Variants in KDM4C observed in about 807,000 individuals in gnomAD.
KDM4C encodes the protein lysine demethylase 4C, also known as lysine-specific demethylase 4C.
Under a neutral mutation model 129.3 loss-of-function variants are expected in KDM4C, and 81 were observed. That is an observed-to-expected ratio of 0.63 (90% CI 0.52 to 0.75). The LOEUF (loss-of-function observed/expected upper bound fraction) is 0.75, where lower values mean the gene tolerates loss of function less well. KDM4C is among the 30% of genes least tolerant of loss of function. KDM4C has a pLI of 0.00. For synonymous variants in KDM4C, 573 were observed against 456.1 expected, an observed-to-expected ratio of 1.26 and a Z score of -3.26; for missense variants, 1,457 against 1,304.0, an observed-to-expected ratio of 1.12 and a Z score of -1.81.
intron 5 of KDM4C, among the ~76,000 whole-genome samples, chr9:6,875,522 A>G (rs1000935814): frequency 2.6e-5 from 4 of 152,182 alleles, no homozygotes; most frequent in Non-Finnish European, 5.9e-5. Flanking sequence ...TAGAAATGTA[A>G]GTGGGTAATG....
chr9:7,004,843 G>A (rs1171382487), intron 12 of KDM4C, among the ~76,000 whole-genome samples: 1 of 152,130 alleles, frequency 6.6e-6, no homozygotes, highest in South Asian at 2.1e-4. Context: ...TACATTTACA[G>A]CATACATTTT....
At chr9:6,841,867 C>T (rs1313699403) in intron 4 of KDM4C, among the ~76,000 whole-genome samples, 1 of 152,224 alleles carries the variant, frequency 6.6e-6, no homozygotes, top group Non-Finnish European at 1.5e-5. Flanking sequence ...ACAGAGACTT[C>T]TCTTAAGAAG....
intron 1 of KDM4C, among the ~76,000 whole-genome samples, chr9:6,770,093 C>T (rs1331058136): frequency 1.3e-5 from 2 of 151,928 alleles, no homozygotes; most frequent in Non-Finnish European, 2.9e-5. Flanking sequence ...GCAGGAGAAT[C>T]GCTTGATCCT....
At chr9:6,726,932 G>C (rs1465725318) in intron 1 of KDM4C, 1 of 151,858 alleles carries the variant, frequency 6.6e-6, no homozygotes, top group Non-Finnish European at 1.5e-5. Context: ...ATAGGATTTC[G>C]CCATGTTGGC....
chr9:6,847,588 C>T (rs183887861), intron 4 of KDM4C, among the ~76,000 whole-genome samples: 1,580 of 152,218 alleles, frequency 0.01, 101 homozygotes, highest in Admixed American at 0.092. Context: ...GACAGGGTTT[C>T]ACCGTGTTAG....
intron 8 of KDM4C, among the ~76,000 whole-genome samples, chr9:6,899,350 GT>G (rs1192326129): frequency 1.3e-5 from 2 of 151,688 alleles, no homozygotes; most frequent in African/African-American, 2.4e-5. Context: ...AATGTCCATA[GT>G]TTTTTTTAAA....
intron 4 of KDM4C, among the ~76,000 whole-genome samples, chr9:6,837,819 A>G (rs1463948626): frequency 6.6e-6 from 1 of 152,126 alleles, no homozygotes; most frequent in African/African-American, 2.4e-5. Context: ...TTTAATGAAC[A>G]AATGTCTTAA....
chr9:6,899,542 G>GGGGGT (rs1554633822), intron 8 of KDM4C, among the ~76,000 whole-genome samples: 1 of 150,054 alleles, frequency 6.7e-6, no homozygotes, highest in Admixed American at 6.6e-5. Context: ...TTTCCATGGG[G>GGGGGT]GTGTGTGTGT....
intron 17 of KDM4C, among the ~76,000 whole-genome samples, chr9:7,050,815 C>T (rs1830056538): frequency 6.6e-6 from 1 of 152,132 alleles, no homozygotes; most frequent in Non-Finnish European, 1.5e-5. Flanking sequence ...TTTGAGAGAA[C>T]AGCAGGGAAG....
rs1345208814 is a variant in KDM4C at position 6,866,991 on chromosome 9, GTGTGTGTGTATATA to G, written c.630-13019_630-13006del. Among the ~76,000 whole-genome samples, 17 of 51,892 alleles carry G rather than the reference GTGTGTGTGTATATA, an allele frequency of 3.3e-4. No homozygotes were observed. In the East Asian group the frequency reaches 0.033, roughly 101 times the overall value. 34.0% of individuals were successfully genotyped at this position (51,892 alleles called of 152,430 possible). The stretch of plus-strand genomic sequence containing the variant: ...TATGTTTGTGTGTGTGTGTGTGTGT[GTGTGTGTGTATATA>G]TATATATATATATTTTTTTTTTTTT... On this transcript the variant is annotated intron_variant, in intron 5 of 21. Transcript: ENST00000381309.
chr9:6,882,772 TTGTGTG>T (rs3072026), intron 6 of KDM4C, among the ~76,000 whole-genome samples: 5,613 of 149,706 alleles, frequency 0.037, 140 homozygotes, highest in Non-Finnish European at 0.045. Context: ...TTTTAAGCAT[TTGTGTG>T]TGTGTGTGTG....
At chr9:6,726,641 C>T (rs1817141387) in intron 1 of KDM4C, 1 of 152,346 alleles carries the variant, frequency 6.6e-6, no homozygotes, top group South Asian at 2.1e-4. Flanking sequence ...AATACCTCCT[C>T]CTCCTCCAAG....
chr9:6,842,671 A>G (rs1047706922), intron 4 of KDM4C, among the ~76,000 whole-genome samples: 3 of 152,088 alleles, frequency 2.0e-5, no homozygotes, highest in African/African-American at 7.2e-5. Flanking sequence ...TTAATGTCAC[A>G]TAAAATTGGG....
chr9:7,140,159 G>T (rs1320250027), intron 19 of KDM4C, among the ~76,000 whole-genome samples: 1 of 152,090 alleles, frequency 6.6e-6, no homozygotes, highest in East Asian at 1.9e-4. Context: ...TGCCAGCTGT[G>T]ACCAATTATT....
intron 14 of KDM4C, among the ~76,000 whole-genome samples, chr9:7,014,746 C>G (rs1187684246): frequency 1.3e-5 from 2 of 152,026 alleles, no homozygotes; most frequent in African/African-American, 4.8e-5. Flanking sequence ...TAGATATTAT[C>G]TTCTGTATTT....
intron 17 of KDM4C, among the ~76,000 whole-genome samples, chr9:7,080,512 T>C (rs1469592265): frequency 6.6e-6 from 1 of 152,238 alleles, no homozygotes; most frequent in African/African-American, 2.4e-5. Flanking sequence ...ATGCTTGATA[T>C]GGGAATGTGT....
intron 3 of KDM4C, among the ~76,000 whole-genome samples, chr9:6,813,241 A>C (rs549051826): frequency 6.6e-6 from 1 of 152,320 alleles, no homozygotes; most frequent in Admixed American, 6.5e-5. Flanking sequence ...GGGTCTCACT[A>C]CCTAGGCAGA....
chr9:6,768,585 G>C (rs1248445868), intron 1 of KDM4C, among the ~76,000 whole-genome samples: 5 of 151,946 alleles, frequency 3.3e-5, no homozygotes, highest in Non-Finnish European at 7.4e-5. Flanking sequence ...TTCACTATTT[G>C]TTATAGTAAT....
chr9:7,116,784 A>C (rs1231591751), intron 18 of KDM4C, among the ~76,000 whole-genome samples: 2 of 152,236 alleles, frequency 1.3e-5, no homozygotes, highest in African/African-American at 4.8e-5. Context: ...AGTCCAGAGA[A>C]ACCTAGGAAG....
Sources: gnomAD v4.1 joint callset for allele counts (sites outside exome capture counted in the v4.1 genomes callset) on GRCh38, gnomAD v4.1.1 for gene constraint, MANE v1.5 for transcripts, NCBI Gene and HGNC (gene_info 2026-07-23, HGNC 2026-07-21) for gene names.